Variants in KSR1 observed in about 807,000 individuals in gnomAD.
The protein encoded by KSR1 is kinase suppressor of ras.
KSR1 carries 35 observed loss-of-function variants against 92.9 expected under a neutral mutation model. That is an observed-to-expected ratio of 0.38 (90% CI 0.29 to 0.50). The LOEUF is 0.50. Among genes scored for constraint, KSR1 ranks in the 20% least tolerant of loss-of-function variants. The pLI is 0.94. For missense variants in KSR1, 972 were observed against 1,158.5 expected (o/e 0.84, Z 2.34); for synonymous variants, 467 against 472.6 (o/e 0.99, Z 0.15).
chr17:27,604,529 C>G, intron 12 of KSR1, 151 bp from the exon 13 acceptor site: 1 of 710,556 alleles, frequency 1.4e-6, no homozygotes, highest in South Asian at 1.7e-5. Context: ...CAGCCTCCTG[C>G]CTATTGCCAT....
rs2074303126 is a variant in KSR1 at position 27,624,741 on chromosome 17, C to T, written c.*1349C>T. The T allele has an allele frequency of 6.6e-6, 1 of 152,230 alleles. No individual in the cohort carries two copies. Among genetic ancestry groups the T allele is most frequent in the South Asian group, 2.1e-4 (1 of 4,828 alleles). The allele number at this position is 152,230 out of a possible 1,614,324, so 9.4% of individuals were successfully genotyped here. A position where few individuals can be genotyped will look rare whatever the true frequency, so the allele number is the denominator to read the frequency against. On this transcript the variant is annotated 3_prime_UTR_variant, in exon 21 of 21. Transcript: ENST00000644974. ...GTGGAGACGTGATTGGATTCAGGCC[C>T]AGAACCTGTGACCATGCTCTGAGCT...
Position 27,577,765 on chromosome 17 carries a change from A to G in KSR1, c.520+126A>G, listed in dbSNP as rs372623447. The G allele has an allele frequency of 4.9e-5, 40 of 812,446 alleles. No homozygotes were observed. In the African/African-American group the frequency reaches 5.9e-4, roughly 12 times the overall value. 50.3% of individuals were successfully genotyped at this position (812,446 alleles called of 1,614,324 possible). On this transcript the variant is annotated intron_variant, in intron 3 of 20. Coordinates refer to ENST00000644974, the MANE Select transcript of KSR1 (RefSeq NM_001394583.1). This position sits in a 1 kb window ranked among gnomAD's most constrained non-coding sequence, Gnocchi z 4.5. ...GTTTCTGGGGCAGCCTGGAAAGGCC[A>G]GGGTTGGATGTTCACAGCCTCCTGA...
chr17:27,599,024 TGA>T (rs947385465), intron 10 of KSR1, among the ~76,000 whole-genome samples: 9 of 152,220 alleles, frequency 5.9e-5, no homozygotes, highest in African/African-American at 2.2e-4. Flanking sequence ...GGAAATGTTC[TGA>T]GAGAGAGATT....
In KSR1 at chr17:27,617,356, T is replaced by C. The variant is rs1216539918; in HGVS notation, c.2555T>C (p.Met852Thr). 1 of 1,612,952 alleles carries C rather than the reference T, an allele frequency of 6.2e-7. No homozygotes were observed. Among genetic ancestry groups the C allele is most frequent in the Admixed American group, 1.7e-5 (1 of 59,908 alleles). The change falls in exon 19 of 21, where the codon ATG becomes ACG. Residue 852 changes from methionine (M) to threonine (T), a missense_variant. Around this residue, in one of 5 missense-constraint regions of KSR1, gnomAD observed 260 missense variants for 375.2 expected, o/e 0.69. Transcript: ENST00000644974. Reference protein sequence around the residue: ...LQERPSFSLLMDMLEKLPKLN... With the variant: ...LQERPSFSLLTDMLEKLPKLN... ...GAGAGACCCAGCTTCAGCCTGCTGA[T>C]GGACATGCTGGAGAAACTTCCCAAG...
chr17:27,518,230 C>G (rs992764552), intron 1 of KSR1, among the ~76,000 whole-genome samples: 2 of 152,040 alleles, frequency 1.3e-5, no homozygotes, highest in Non-Finnish European at 2.9e-5. Context: ...GTGGAGAGAG[C>G]CTGTAAACAA....
At chr17:27,515,909 T>G (rs1289620953) in intron 1 of KSR1, among the ~76,000 whole-genome samples, 1 of 152,160 alleles carries the variant, frequency 6.6e-6, no homozygotes, top group African/African-American at 2.4e-5. Context: ...TGCCTTTTTT[T>G]TTGTTAAGGG....
chr17:27,593,599 C>T (rs992882126), intron 9 of KSR1, among the ~76,000 whole-genome samples: 2 of 152,200 alleles, frequency 1.3e-5, no homozygotes, highest in African/African-American at 4.8e-5. Flanking sequence ...CTCTTACTGT[C>T]AGACAAGAAG....
rs61509647 is a variant in KSR1 at position 27,606,415 on chromosome 17, A to G, written c.1994+602A>G. On this transcript the variant is annotated intron_variant, in intron 14 of 20. Coordinates refer to ENST00000644974, the MANE Select transcript of KSR1 (RefSeq NM_001394583.1). ...CTTCTGTTAAAAGGAAGACATTTGC[A>G]TATACTCACGTTTTTAAACTGTTTA... Among the ~76,000 whole-genome samples the G allele has an allele frequency of 3.1e-3, 467 of 152,382 alleles. 6 individuals carry two copies. The highest frequency in any genetic ancestry group is 0.011 in the African/African-American group (443 of 41,586).
At chr17:27,574,032 A>G (rs34684247) in intron 2 of KSR1, among the ~76,000 whole-genome samples, 15,074 of 152,244 alleles carry the variant, frequency 0.099, 976 homozygotes, top group South Asian at 0.19. Context: ...CCCCAGCCCC[A>G]TTAAACATCT....
At chr17:27,486,491 A>G (rs1476472862) in intron 1 of KSR1, among the ~76,000 whole-genome samples, 1 of 152,222 alleles carries the variant, frequency 6.6e-6, no homozygotes, top group African/African-American at 2.4e-5. Flanking sequence ...TCTGCTGAGG[A>G]CACAGGAGTG....
intron 1 of KSR1, among the ~76,000 whole-genome samples, chr17:27,458,052 C>A (rs922077082): frequency 2.6e-5 from 4 of 152,128 alleles, no homozygotes; most frequent in Non-Finnish European, 4.4e-5. Context: ...GGGGGTGACT[C>A]TCCCTCAGTT....
chr17:27,551,155 A>G (rs1165874982), intron 2 of KSR1, among the ~76,000 whole-genome samples: 1 of 152,242 alleles, frequency 6.6e-6, no homozygotes, highest in Middle Eastern at 3.2e-3. Flanking sequence ...CACAGCTAGT[A>G]AATGATAGCT....
intron 2 of KSR1, 22 bp downstream of exon 2, chr17:27,550,730 A>G: frequency 1.3e-6 from 1 of 759,566 alleles, no homozygotes; most frequent in Non-Finnish European, 2.4e-6. Flanking sequence ...GGTTCTCAGC[A>G]TAGGGATAGG....
At chr17:27,579,320 T>C (rs554802089) in intron 3 of KSR1, 2 of 152,322 alleles carry the variant, frequency 1.3e-5, no homozygotes, top group East Asian at 1.9e-4. Context: ...ACCTGGGCCC[T>C]GCCTGGGCCC....
chr17:27,580,278 C>T (rs1185500205), intron 3 of KSR1, among the ~76,000 whole-genome samples: 1 of 152,182 alleles, frequency 6.6e-6, no homozygotes, highest in Non-Finnish European at 1.5e-5. Flanking sequence ...CTATGAGCTA[C>T]AGTGTCAGTC....
At chr17:27,563,766 C>T (rs1443796250) in intron 2 of KSR1, among the ~76,000 whole-genome samples, 1 of 152,142 alleles carries the variant, frequency 6.6e-6, no homozygotes, top group Non-Finnish European at 1.5e-5. Context: ...TCTGTTTCCT[C>T]TGCCTGGAAG....
At chr17:27,526,234 G>A (rs534656096) in intron 1 of KSR1, among the ~76,000 whole-genome samples, 1 of 151,942 alleles carries the variant, frequency 6.6e-6, no homozygotes, top group South Asian at 2.1e-4. Context: ...TACAAAGGGT[G>A]CAGCTGTTTC....
At chr17:27,483,322 T>C (rs1241927693) in intron 1 of KSR1, among the ~76,000 whole-genome samples, 1 of 152,132 alleles carries the variant, frequency 6.6e-6, no homozygotes, top group Non-Finnish European at 1.5e-5. Flanking sequence ...GCACAGTGGC[T>C]CACGCCTGTA....
intron 2 of KSR1, among the ~76,000 whole-genome samples, chr17:27,555,414 AT>A (rs1390564521): frequency 5.3e-5 from 8 of 151,856 alleles, no homozygotes; most frequent in Admixed American, 1.3e-4. Flanking sequence ...TACATGATTT[AT>A]TTTGTTTCTC....
Sources: allele counts gnomAD v4.1 joint callset (sites outside exome capture counted in the v4.1 genomes callset), GRCh38; gene constraint gnomAD v4.1.1; regional missense constraint gnomAD v4.1.1; non-coding constraint Gnocchi (gnomAD v3.1); transcripts MANE v1.5; gene names NCBI Gene and HGNC (gene_info 2026-07-23, HGNC 2026-07-21).